SNX29: variants seen among roughly 807,000 people sequenced by gnomAD.
SNX29 encodes the protein sorting nexin 29, also known as sorting nexin-29.
SNX29 carries 78 observed loss-of-function variants against 102.1 expected under a neutral mutation model. The observed-to-expected ratio is 0.76, with a 90% CI of 0.64 to 0.92. The LOEUF (loss-of-function observed/expected upper bound fraction) is 0.92, where lower values mean the gene tolerates loss of function less well. Among genes scored for constraint, SNX29 ranks in the 40% least tolerant of loss-of-function variants. The probability of loss-of-function intolerance (pLI) is 0.00; values close to 1 mark genes in which losing one functional copy is unlikely to be tolerated. For missense variants in SNX29, 1,280 were observed against 1,061.7 expected, an observed-to-expected ratio of 1.21 and a Z score of -2.86; for synonymous variants, 580 against 414.5, an observed-to-expected ratio of 1.40 and a Z score of -4.85.
chr16:12,538,927 C>T (rs368185650), intron 20 of SNX29, among the ~76,000 whole-genome samples: 9 of 152,088 alleles, frequency 5.9e-5, no homozygotes, highest in South Asian at 2.1e-4. Context: ...GAAAGGGTGG[C>T]TGTGGGCATG....
At chr16:12,010,510 C>T (rs2056612221) in intron 3 of SNX29, among the ~76,000 whole-genome samples, 2 of 152,000 alleles carry the variant, frequency 1.3e-5, no homozygotes, top group Non-Finnish European at 2.9e-5. Flanking sequence ...CCTGTGGTCT[C>T]AGCTACTCAA....
intron 14 of SNX29, among the ~76,000 whole-genome samples, chr16:12,245,466 T>C (rs1272323385): frequency 2.0e-5 from 3 of 151,518 alleles, no homozygotes; most frequent in Non-Finnish European, 2.9e-5. Context: ...TTTTGAATTA[T>C]AGTGACAACT....
chr16:12,182,896 T>G (rs1475100373), intron 13 of SNX29, among the ~76,000 whole-genome samples: 1 of 130,940 alleles, frequency 7.6e-6, no homozygotes, highest in Non-Finnish European at 1.5e-5. Context: ...ATTACACCAC[T>G]GCACTCCAGC....
At chr16:12,451,480 C>G (rs114655543) in intron 18 of SNX29, among the ~76,000 whole-genome samples, 2,225 of 152,330 alleles carry the variant, frequency 0.015, 52 homozygotes, top group African/African-American at 0.05. Flanking sequence ...GTGACCTGCT[C>G]TGTTCTATTT....
At chr16:12,535,486 T>A (rs1302576819) in intron 20 of SNX29, among the ~76,000 whole-genome samples, 1 of 152,172 alleles carries the variant, frequency 6.6e-6, no homozygotes, top group South Asian at 2.1e-4. Context: ...CTGTCCCTTT[T>A]TTCCAGATGA....
intron 11 of SNX29, among the ~76,000 whole-genome samples, chr16:12,079,274 A>C (rs1438395841): frequency 6.6e-6 from 1 of 152,234 alleles, no homozygotes; most frequent in African/African-American, 2.4e-5. Context: ...GAAGAAGAAT[A>C]TGTCTCTCCA....
At chr16:12,274,544 T>G (rs1455108300) in intron 14 of SNX29, among the ~76,000 whole-genome samples, 1 of 151,924 alleles carries the variant, frequency 6.6e-6, no homozygotes, top group Non-Finnish European at 1.5e-5. Context: ...CCACCTCTTT[T>G]TTTTTTTTTT....
chr16:12,553,350 G>T (rs571708310), intron 20 of SNX29, among the ~76,000 whole-genome samples: 3 of 152,194 alleles, frequency 2.0e-5, no homozygotes, highest in Non-Finnish European at 2.9e-5. Context: ...AAACCAGCTC[G>T]TCTTCTCAGA....
At chr16:12,563,694 A>G (rs549115625) in intron 20 of SNX29, among the ~76,000 whole-genome samples, 1 of 152,168 alleles carries the variant, frequency 6.6e-6, no homozygotes, top group East Asian at 1.9e-4. Flanking sequence ...GTCTGGCCTC[A>G]TGTAAGAGGA....
At chr16:12,084,069 C>T (rs1253510710) in intron 11 of SNX29, among the ~76,000 whole-genome samples, 1 of 152,086 alleles carries the variant, frequency 6.6e-6, no homozygotes, top group East Asian at 1.9e-4. Context: ...ATGGTGTATC[C>T]AGACCCACAT....
chr16:12,515,728 G>A (rs2089834580), intron 19 of SNX29: 2 of 421,936 alleles, frequency 4.7e-6, no homozygotes, highest in South Asian at 1.8e-5. Flanking sequence ...GCTCCGGAGG[G>A]CAGGGGTCAC....
chr16:12,292,946 G>A (rs2079849627), intron 15 of SNX29, among the ~76,000 whole-genome samples: 1 of 152,098 alleles, frequency 6.6e-6, no homozygotes, highest in Non-Finnish European at 1.5e-5. Context: ...ACTTTCTTAT[G>A]TAGAATAAAT....
intron 11 of SNX29, among the ~76,000 whole-genome samples, chr16:12,082,218 A>T (rs922750361): frequency 2.7e-4 from 41 of 150,846 alleles, no homozygotes; most frequent in African/African-American, 9.2e-4. Flanking sequence ...TTTTTTTTTT[A>T]AAGGACAGCA....
intron 18 of SNX29, among the ~76,000 whole-genome samples, chr16:12,422,326 G>A (rs2084905949): frequency 6.6e-6 from 1 of 152,192 alleles, no homozygotes; most frequent in South Asian, 2.1e-4. Flanking sequence ...GCTGTAATAT[G>A]AAAGGCTCAG....
In SNX29 at chr16:11,996,894, C is replaced by T. The variant is rs746756273; in HGVS notation, c.8-2403C>T. On this transcript the variant is annotated intron_variant, in intron 1 of 20. Transcript: ENST00000566228. ...GAATGGTGCCTAGGCTATTCTTGAT[C>T]GAAACCTCTTCCAGAAAAAAATACT... Among the ~76,000 whole-genome samples the T allele has an allele frequency of 3.9e-5, 6 of 152,092 alleles. 1 individual carries two copies. The highest frequency in any genetic ancestry group is 5.9e-5 in the Non-Finnish European group (4 of 68,012).
chr16:12,195,199 G>GA (rs1387531923), intron 13 of SNX29, among the ~76,000 whole-genome samples: 3 of 152,158 alleles, frequency 2.0e-5, no homozygotes, highest in African/African-American at 7.2e-5. Context: ...CATCCCTGGG[G>GA]ATAAACATAC....
intron 13 of SNX29, among the ~76,000 whole-genome samples, chr16:12,182,958 G>A (rs1270308122): frequency 3.2e-4 from 42 of 130,488 alleles, no homozygotes; most frequent in African/African-American, 1.1e-3. Flanking sequence ...AAAAAAAAAA[G>A]GACATCATGA....
chr16:12,416,723 G>A (rs1374488054), intron 18 of SNX29, among the ~76,000 whole-genome samples: 1 of 152,148 alleles, frequency 6.6e-6, no homozygotes, highest in African/African-American at 2.4e-5. Flanking sequence ...ATGTCACATG[G>A]CAAGAGAAGG....
intron 1 of SNX29, among the ~76,000 whole-genome samples, chr16:11,981,860 C>T (rs996978421): frequency 7.2e-5 from 11 of 152,076 alleles, no homozygotes; most frequent in East Asian, 1.9e-4. Context: ...AGGATTGATA[C>T]GGATTCATAC....
Sources: gnomAD v4.1 joint callset for allele counts (sites outside exome capture counted in the v4.1 genomes callset) on GRCh38, gnomAD v4.1.1 for gene constraint, MANE v1.5 for transcripts, NCBI Gene and HGNC (gene_info 2026-07-23, HGNC 2026-07-21) for gene names.